Variants in ZFP91 observed in about 807,000 individuals in gnomAD.
ZFP91 encodes E3 ubiquitin-protein ligase ZFP91.
ZFP91 carries 7 observed loss-of-function variants against 63.5 expected under a neutral mutation model. That is an observed-to-expected ratio of 0.11 (90% confidence interval 0.06 to 0.21). The LOEUF is 0.21. ZFP91 is among the 10% of genes least tolerant of loss of function. The probability of loss-of-function intolerance (pLI) is 1.00; values close to 1 mark genes in which losing one functional copy is unlikely to be tolerated. For synonymous variants in ZFP91, 330 were observed against 272.1 expected, an observed-to-expected ratio of 1.21 and a Z score of -2.10; for missense variants, 628 against 736.6, an observed-to-expected ratio of 0.85 and a Z score of 1.71.
intron 1 of ZFP91, 22 bp downstream of exon 1, chr11:58,579,644 G>T (rs750911541): frequency 6.5e-7 from 1 of 1,529,430 alleles, no homozygotes; most frequent in South Asian, 1.2e-5. Context: ...TCTTTCAGGC[G>T]GTGGGAAAGA....
At chr11:58,594,929 G>C (rs1007982312) in intron 2 of ZFP91, among the ~76,000 whole-genome samples, 4 of 152,192 alleles carry the variant, frequency 2.6e-5, no homozygotes, top group Non-Finnish European at 5.9e-5. Flanking sequence ...AATTCTTACA[G>C]GTGTTTCAGG....
intron 2 of ZFP91, among the ~76,000 whole-genome samples, chr11:58,602,201 G>A (rs1429916013): frequency 6.6e-6 from 1 of 152,194 alleles, no homozygotes; most frequent in South Asian, 2.1e-4. Context: ...GGGATTACAG[G>A]TGTGAGCCAC....
At chr11:58,581,477 C>T (rs1475401472) in intron 1 of ZFP91, among the ~76,000 whole-genome samples, 1 of 152,136 alleles carries the variant, frequency 6.6e-6, no homozygotes, top group Non-Finnish European at 1.5e-5. Flanking sequence ...TCTCCTGCCT[C>T]GTCATCCCAA....
intron 4 of ZFP91, among the ~76,000 whole-genome samples, chr11:58,610,734 C>T (rs1565023763): frequency 1.3e-5 from 2 of 152,152 alleles, no homozygotes; most frequent in Non-Finnish European, 2.9e-5. Flanking sequence ...ATTGAGTTGT[C>T]ATCACCCTGT....
rs918358396 is a variant in ZFP91, at chr11:58,611,361, C to T, written c.723-243C>T. On this transcript the variant is annotated intron_variant, in intron 5 of 10. Transcript: ENST00000316059. ...TAACTAATTGTCTCGTTTCTCTTTACAATTATAGTGAAATTTGATTTACAG... is the reference window on the plus strand; with the variant it reads ...TAACTAATTGTCTCGTTTCTCTTTATAATTATAGTGAAATTTGATTTACAG... 22 of 519,490 alleles carry T rather than the reference C, an allele frequency of 4.2e-5. No individual in the cohort carries two copies. In the South Asian group the frequency reaches 9.5e-4, roughly 22 times the overall value. The allele number at this position is 519,490 out of a possible 1,614,324, so 32.2% of individuals were successfully genotyped here. A position where few individuals can be genotyped will look rare whatever the true frequency, so the allele number is the denominator to read the frequency against.
At chr11:58,593,062 G>T (rs554395644) in intron 2 of ZFP91, among the ~76,000 whole-genome samples, 37 of 152,270 alleles carry the variant, frequency 2.4e-4, no homozygotes, top group Admixed American at 5.2e-4. Flanking sequence ...ATTCATGAGG[G>T]ATCCACCCCC....
intron 2 of ZFP91, among the ~76,000 whole-genome samples, chr11:58,600,334 G>A (rs942000929): frequency 2.8e-4 from 43 of 151,986 alleles, no homozygotes; most frequent in African/African-American, 1.0e-3. Context: ...CTATTGTAAA[G>A]GTAATCATTT....
At chr11:58,579,866 AC>A (rs1314215618) in intron 1 of ZFP91, among the ~76,000 whole-genome samples, 1 of 151,624 alleles carries the variant, frequency 6.6e-6, no homozygotes, top group Non-Finnish European at 1.5e-5. Context: ...CTTTTGATAC[AC>A]CCCTGCACTC....
In ZFP91 at chr11:58,621,485, C is replaced by G. The variant is rs1251577586; in HGVS notation, c.*3779C>G. Among the ~76,000 whole-genome samples the G allele has an allele frequency of 6.6e-6, 1 of 152,140 alleles. No homozygotes were observed. The highest frequency in any genetic ancestry group is 2.4e-5 in the African/African-American group (1 of 41,432). On this transcript the variant is annotated 3_prime_UTR_variant, in exon 11 of 11. Coordinates refer to ENST00000316059, the MANE Select transcript of ZFP91 (RefSeq NM_053023.5). ...CCTTCCAAAAGCCATGCTGTGATAG[C>G]TGCCCAGGCTGCTCTGTTACATCTC...
At chr11:58,594,040 C>T (rs1855353912) in intron 2 of ZFP91, among the ~76,000 whole-genome samples, 1 of 152,132 alleles carries the variant, frequency 6.6e-6, no homozygotes, top group African/African-American at 2.4e-5. Context: ...CTACTCTTGC[C>T]CCTACCTAGC....
At chr11:58,582,911 A>G (rs1855143718) in intron 1 of ZFP91, among the ~76,000 whole-genome samples, 1 of 152,184 alleles carries the variant, frequency 6.6e-6, no homozygotes, top group Non-Finnish European at 1.5e-5. Flanking sequence ...TGCTAGAATC[A>G]TGATAAATTG....
intron 2 of ZFP91, among the ~76,000 whole-genome samples, chr11:58,588,732 TTTTC>T (rs1337515505): frequency 2.6e-5 from 4 of 152,060 alleles, no homozygotes; most frequent in Admixed American, 1.3e-4. Flanking sequence ...TTTTGTTGGT[TTTTC>T]TTTCTTTCTA....
rs940719222 is a variant in ZFP91 at position 58,619,970 on chromosome 11, T to G, written c.*2264T>G. On this transcript the variant is annotated 3_prime_UTR_variant, in exon 11 of 11. Coordinates refer to ENST00000316059, the MANE Select transcript of ZFP91 (RefSeq NM_053023.5). ...CGTAAATTTCATTTGCAGTGGTTAG[T>G]CATCAGATATTTTAGCCACCTACAC... 3 of 152,208 alleles carry G rather than the reference T, an allele frequency of 2.0e-5. No homozygotes were observed. Among genetic ancestry groups the G allele is most frequent in the Non-Finnish European group, 2.9e-5 (2 of 68,034 alleles). The allele number at this position is 152,208 out of a possible 1,614,324, so 9.4% of individuals were successfully genotyped here. A position where few individuals can be genotyped will look rare whatever the true frequency, so the allele number is the denominator to read the frequency against.
At chr11:58,582,067 C>T (rs557713448) in intron 1 of ZFP91, among the ~76,000 whole-genome samples, 2 of 152,274 alleles carry the variant, frequency 1.3e-5, no homozygotes, top group Admixed American at 6.5e-5. Context: ...CAGAGGAATG[C>T]TAAAGCATTT....
intron 2 of ZFP91, among the ~76,000 whole-genome samples, chr11:58,597,420 G>C (rs866837346): frequency 7.2e-5 from 11 of 152,226 alleles, no homozygotes; most frequent in African/African-American, 2.6e-4. Flanking sequence ...TCCTTCCTCA[G>C]CTGTTTTCTT....
At chr11:58,589,960 A>C (rs369549086) in intron 2 of ZFP91, among the ~76,000 whole-genome samples, 1 of 152,212 alleles carries the variant, frequency 6.6e-6, no homozygotes, top group Non-Finnish European at 1.5e-5. Flanking sequence ...TAATTTGCCT[A>C]TTACAGCTCA....
intron 1 of ZFP91, 99 bp downstream of exon 1, chr11:58,579,721 G>T: frequency 1.7e-6 from 2 of 1,194,228 alleles, no homozygotes; most frequent in Non-Finnish European, 2.2e-6. Context: ...ATCCTGCCTG[G>T]TCTGCCCCCT....
intron 2 of ZFP91, among the ~76,000 whole-genome samples, chr11:58,589,641 A>G (rs2134394432): frequency 6.6e-6 from 1 of 152,244 alleles, no homozygotes; most frequent in East Asian, 1.9e-4. Context: ...CAGTAGATAG[A>G]CATTTTTGTT....
chr11:58,601,729 G>A (rs1237032892), intron 2 of ZFP91, among the ~76,000 whole-genome samples: 2 of 151,742 alleles, frequency 1.3e-5, no homozygotes, highest in African/African-American at 4.8e-5. Flanking sequence ...TCATCTCTAA[G>A]TATTTTGTAA....
Sources: gnomAD v4.1 joint callset for allele counts (sites outside exome capture counted in the v4.1 genomes callset) on GRCh38, gnomAD v4.1.1 for gene constraint, MANE v1.5 for transcripts, NCBI Gene and HGNC (gene_info 2026-07-23, HGNC 2026-07-21) for gene names.